Variants in SUCO observed in about 807,000 individuals in gnomAD.
SUCO encodes SUN domain-containing ossification factor.
SUCO carries 57 observed loss-of-function variants against 148.1 expected under a neutral mutation model. The ratio of observed to expected loss-of-function variants is 0.38; its 90% confidence interval spans 0.31 to 0.48. The LOEUF is 0.48. SUCO is among the 20% of genes least tolerant of loss of function. The probability of loss-of-function intolerance (pLI) is 0.96; values close to 1 mark genes in which losing one functional copy is unlikely to be tolerated. For synonymous variants in SUCO, 470 were observed against 502.7 expected (o/e 0.93, Z 0.87); for missense variants, 1,331 against 1,468.2 (o/e 0.91, Z 1.53).
chr1:172,572,570 C>T (rs1477035211), intron 9 of SUCO, among the ~76,000 whole-genome samples: 1 of 151,768 alleles, frequency 6.6e-6, no homozygotes, highest in Non-Finnish European at 1.5e-5. Context: ...TGCGGAAGGC[C>T]GCAGGGTCCT....
chr1:172,550,984 GT>G (rs1205287572), intron 1 of SUCO: 1 of 573,198 alleles, frequency 1.7e-6, no homozygotes, highest in Non-Finnish European at 2.2e-6. Context: ...CTTTTTTATT[GT>G]TTTCTTGATA....
rs1481809416 is a variant in SUCO at position 172,571,679 on chromosome 1, G to C, written c.1049+949G>C. Among the ~76,000 whole-genome samples the C allele has an allele frequency of 6.1e-5, 7 of 114,304 alleles. No individual in the cohort carries two copies. In the East Asian group the frequency reaches 1.6e-3, roughly 25 times the overall value. 75.0% of individuals were successfully genotyped at this position (114,304 alleles called of 152,430 possible). A position where few individuals can be genotyped will look rare whatever the true frequency, so the allele number is the denominator to read the frequency against. ...GAGCTTCTCTGCCCGGCCGCCCATC[G>C]TCTGAGATGTGGGGAGCGCCTCTGC... is the stretch of plus-strand genomic sequence containing the variant. On this transcript the variant is annotated intron_variant, in intron 9 of 23. Coordinates refer to ENST00000263688, the MANE Select transcript of SUCO (RefSeq NM_014283.5).
chr1:172,535,885 A>G (rs1345155548), intron 1 of SUCO, among the ~76,000 whole-genome samples: 1 of 152,186 alleles, frequency 6.6e-6, no homozygotes, highest in Admixed American at 6.5e-5. Flanking sequence ...AGCCTTGAGT[A>G]CTAACCTTAG....
rs1656847352 is a variant in SUCO, at chr1:172,593,695, T to A, written c.2913+2624T>A. Among the ~76,000 whole-genome samples, 3 of 152,208 alleles carry A rather than the reference T, an allele frequency of 2.0e-5. No individual in the cohort carries two copies. The South Asian group carries it at 6.2e-4, about 32-fold the overall frequency. On this transcript the variant is annotated intron_variant, in intron 19 of 23. Coordinates refer to ENST00000263688, the MANE Select transcript of SUCO (RefSeq NM_014283.5). ...GGTTTGCCAGTATTTTATTGAGGATTTTTGCATCAATGTTCATCAGGGATA... is the reference window on the plus strand; with the variant it reads ...GGTTTGCCAGTATTTTATTGAGGATATTTGCATCAATGTTCATCAGGGATA...
chr1:172,570,145 AT>A lies in SUCO; in HGVS notation c.957del (p.Leu320Ter). ...NYASVECGAKILAANPEAKST... is the reference protein window; with the variant it reads ...NYASVECGAKXLAANPEAKST... ...TGCCTCAGTAGAATGTGGTGCCAAAATTCTAGCAGCTAATCCAGAAGCCAAG... is the reference window on the plus strand; with the variant it reads ...TGCCTCAGTAGAATGTGGTGCCAAAATCTAGCAGCTAATCCAGAAGCCAAG... On this transcript the variant is annotated frameshift_variant, in exon 8 of 24. Coordinates refer to ENST00000263688, the MANE Select transcript of SUCO (RefSeq NM_014283.5). LOFTEE classifies it high-confidence loss of function. The A allele has an allele frequency of 6.3e-7, 1 of 1,586,726 alleles. No homozygotes were observed. Among genetic ancestry groups the A allele is most frequent in the Non-Finnish European group, 8.6e-7 (1 of 1,165,342 alleles).
chr1:172,591,083 C>T lies in SUCO; in HGVS notation c.2913+12C>T. The T allele has an allele frequency of 1.3e-6, 2 of 1,590,180 alleles. No individual in the cohort carries two copies. Among genetic ancestry groups the T allele is most frequent in the East Asian group, 2.2e-5 (1 of 44,610 alleles). ...TAGCAGAGGAGCAGGTTGGTTTCTACATCCCTTATTTACTTTTTATATAAA... is the reference window on the plus strand; with the variant it reads ...TAGCAGAGGAGCAGGTTGGTTTCTATATCCCTTATTTACTTTTTATATAAA... On this transcript the variant is annotated intron_variant, in intron 19 of 23. Coordinates refer to ENST00000263688, the MANE Select transcript of SUCO (RefSeq NM_014283.5).
At chr1:172,568,338 G>C in intron 6 of SUCO, 1 of 629,282 alleles carries the variant, frequency 1.6e-6, no homozygotes, top group Non-Finnish European at 1.9e-6. Context: ...TTGATTTGCT[G>C]ATACTCTTTA....
intron 9 of SUCO, among the ~76,000 whole-genome samples, chr1:172,573,563 C>G (rs1335849869): frequency 2.6e-5 from 4 of 152,082 alleles, no homozygotes; most frequent in Non-Finnish European, 4.4e-5. Flanking sequence ...ATCCTCTAGA[C>G]TAGTCATTTT....
At chr1:172,605,979 C>T (rs1319466079) in intron 22 of SUCO, among the ~76,000 whole-genome samples, 2 of 151,382 alleles carry the variant, frequency 1.3e-5, no homozygotes, top group Non-Finnish European at 3.0e-5. Flanking sequence ...TATGTGTTAC[C>T]TATTGTCATA....
Position 172,573,882 on chromosome 1 carries a change from T to C in SUCO, c.1050-9T>C, listed in dbSNP as rs764935938. 2 of 1,482,464 alleles carry C rather than the reference T, an allele frequency of 1.3e-6. No individual in the cohort carries two copies. Among genetic ancestry groups the C allele is most frequent in the South Asian group, 2.3e-5 (2 of 85,504 alleles). 91.8% of individuals were successfully genotyped at this position (1,482,464 alleles called of 1,614,324 possible). ...TGGTTTAAGTAATTGTCTTTTGTTC[T>C]TTTTGAAGGTTTGTTATTGAACTTT... On this transcript the variant is annotated splice_polypyrimidine_tract_variant and intron_variant, in intron 9 of 23. Coordinates refer to ENST00000263688, the MANE Select transcript of SUCO (RefSeq NM_014283.5).
intron 17 of SUCO, 45 bp from the exon 18 acceptor site, chr1:172,588,715 G>T: frequency 1.5e-6 from 2 of 1,310,230 alleles, no homozygotes; most frequent in South Asian, 5.6e-5. Context: ...TTCAACTTTA[G>T]ACTTCTAAGT....
chr1:172,569,705 AC>A (rs1011824025), intron 7 of SUCO, among the ~76,000 whole-genome samples: 2 of 152,130 alleles, frequency 1.3e-5, no homozygotes, highest in African/African-American at 2.4e-5. Context: ...TAAAAAAAAA[AC>A]AATAAAATAA....
At chr1:172,592,259 G>A (rs1656729279) in intron 19 of SUCO, among the ~76,000 whole-genome samples, 1 of 152,142 alleles carries the variant, frequency 6.6e-6, no homozygotes, top group Non-Finnish European at 1.5e-5. Flanking sequence ...TTCTTTTGCT[G>A]TGCAGAAGCT....
At chr1:172,580,920 G>C (rs1655832321) in intron 15 of SUCO, among the ~76,000 whole-genome samples, 1 of 152,074 alleles carries the variant, frequency 6.6e-6, no homozygotes, top group Non-Finnish European at 1.5e-5. Flanking sequence ...TGGCCAACAT[G>C]GTGAAACCCC....
intron 1 of SUCO, among the ~76,000 whole-genome samples, chr1:172,536,865 T>C (rs1394838391): frequency 6.6e-6 from 1 of 152,182 alleles, no homozygotes; most frequent in Middle Eastern, 3.2e-3. Context: ...TTATGTCTAC[T>C]AATGACTGGT....
chr1:172,559,764 G>A (rs567084463), intron 6 of SUCO, among the ~76,000 whole-genome samples: 1 of 152,314 alleles, frequency 6.6e-6, no homozygotes, highest in African/African-American at 2.4e-5. Flanking sequence ...ACTTTTGGGT[G>A]TTGCCATGGA....
chr1:172,570,534 G>C (rs898242982), intron 8 of SUCO, 129 bp from the exon 9 acceptor site: 18 of 654,940 alleles, frequency 2.7e-5, no homozygotes, highest in Non-Finnish European at 4.0e-5. Flanking sequence ...TTTCCCAAGT[G>C]AGTGTTTTAA....
chr1:172,590,002 A>G (rs747616282), intron 18 of SUCO, 76 bp downstream of exon 18: 19 of 1,219,402 alleles, frequency 1.6e-5, no homozygotes, highest in Non-Finnish European at 2.1e-5. Flanking sequence ...CTGTGATTAC[A>G]GGAGAGGATT....
chr1:172,571,667 C>T lies in SUCO; in HGVS notation c.1049+937C>T, dbSNP rs796145163. Among the ~76,000 whole-genome samples, 476 of 121,988 alleles carry T rather than the reference C, an allele frequency of 3.9e-3. 18 individuals are homozygous for T. The East Asian group carries it at 0.095, about 24-fold the overall frequency. The allele number at this position is 121,988 out of a possible 152,430, so 80.0% of individuals were successfully genotyped here. On this transcript the variant is annotated intron_variant, in intron 9 of 23. Coordinates refer to ENST00000263688, the MANE Select transcript of SUCO (RefSeq NM_014283.5). ...CTATGAAGTGAGGAGCTTCTCTGCC[C>T]GGCCGCCCATCGTCTGAGATGTGGG... is the stretch of plus-strand genomic sequence containing the variant.
Sources: allele counts gnomAD v4.1 joint callset (sites outside exome capture counted in the v4.1 genomes callset), GRCh38; gene constraint gnomAD v4.1.1; transcripts MANE v1.5; gene names NCBI Gene and HGNC (gene_info 2026-07-23, HGNC 2026-07-21).